The following NTN1 variants were observed in gnomAD, a reference collection of about 807,000 sequenced individuals.
NTN1 encodes the protein netrin 1, also known as netrin-1.
NTN1 carries 11 observed loss-of-function variants against 54.2 expected under a neutral mutation model. The ratio of observed to expected loss-of-function variants is 0.20; its 90% CI spans 0.13 to 0.34. NTN1 has a LOEUF of 0.34. NTN1 is among the 10% of genes least tolerant of loss of function. NTN1 has a pLI of 1.00. For synonymous variants in NTN1, 371 were observed against 382.0 expected (o/e 0.97, Z 0.33); for missense variants, 740 against 893.1 (o/e 0.83, Z 2.18).
chr17:9,063,794 C>T (rs555741064), intron 2 of NTN1, among the ~76,000 whole-genome samples: 4 of 151,800 alleles, frequency 2.6e-5, no homozygotes, highest in East Asian at 2.0e-4. Flanking sequence ...GTGATCCGCC[C>T]GCCTCGGCCT....
intron 2 of NTN1, among the ~76,000 whole-genome samples, chr17:9,025,345 A>G (rs2151507561): frequency 6.6e-6 from 1 of 152,304 alleles, no homozygotes; most frequent in Admixed American, 6.5e-5. Context: ...TATGCACACA[A>G]ATTGGATTGA....
At chr17:9,216,304 C>T (rs1905215825) in intron 5 of NTN1, among the ~76,000 whole-genome samples, 1 of 152,208 alleles carries the variant, frequency 6.6e-6, no homozygotes, top group East Asian at 1.9e-4. Flanking sequence ...CTTTTTCCAA[C>T]TCTTTCTTTT....
At chr17:9,142,733 A>T (rs1484398660) in intron 2 of NTN1, among the ~76,000 whole-genome samples, 1 of 152,214 alleles carries the variant, frequency 6.6e-6, no homozygotes, top group African/African-American at 2.4e-5. Context: ...CAACCAACCA[A>T]CCAAAAAGTC....
intron 2 of NTN1, among the ~76,000 whole-genome samples, chr17:9,041,780 G>A (rs892604352): frequency 9.2e-5 from 14 of 151,988 alleles, no homozygotes; most frequent in East Asian, 3.9e-4. Flanking sequence ...AGGCGGAGGC[G>A]GGTGGATCAC....
At chr17:9,182,242 C>T (rs1204587795) in intron 4 of NTN1, among the ~76,000 whole-genome samples, 1 of 149,902 alleles carries the variant, frequency 6.7e-6, no homozygotes, top group African/African-American at 2.5e-5. Flanking sequence ...TGTTGGGCCC[C>T]AAACGTGTTG....
intron 2 of NTN1, among the ~76,000 whole-genome samples, chr17:9,071,147 A>G (rs1011555985): frequency 6.6e-6 from 1 of 152,170 alleles, no homozygotes; most frequent in Non-Finnish European, 1.5e-5. Flanking sequence ...AGGCCGGAGC[A>G]CTGAAGAGTC....
At chr17:9,024,851 C>CAG (rs149693796) in intron 2 of NTN1, among the ~76,000 whole-genome samples, 55 of 151,796 alleles carry the variant, frequency 3.6e-4, no homozygotes, top group East Asian at 9.6e-4. Context: ...CAAGATTTCG[C>CAG]AGAGAGAGAG....
chr17:9,141,740 C>T (rs1300209699), intron 2 of NTN1, among the ~76,000 whole-genome samples: 1 of 152,072 alleles, frequency 6.6e-6, no homozygotes, highest in Non-Finnish European at 1.5e-5. Flanking sequence ...TTTATGTTTC[C>T]TGAAGAGGCA....
intron 5 of NTN1, among the ~76,000 whole-genome samples, chr17:9,195,810 G>A (rs1415478240): frequency 2.0e-5 from 3 of 152,154 alleles, no homozygotes; most frequent in African/African-American, 7.2e-5. Context: ...TCCAGCCCCA[G>A]AGCAGGACCC....
At chr17:9,023,903 C>A (rs1300334293) in intron 2 of NTN1, among the ~76,000 whole-genome samples, 2 of 152,216 alleles carry the variant, frequency 1.3e-5, no homozygotes, top group Non-Finnish European at 1.5e-5. Context: ...ATCACTCCTG[C>A]CCTCCATTTG....
chr17:9,129,947 C>T (rs529111727), intron 2 of NTN1, among the ~76,000 whole-genome samples: 7 of 152,302 alleles, frequency 4.6e-5, no homozygotes, highest in Admixed American at 2.6e-4. Context: ...GTGTGTAGGC[C>T]TCTACCAGCC....
intron 2 of NTN1, among the ~76,000 whole-genome samples, chr17:9,120,349 C>T (rs1191275137): frequency 6.6e-6 from 1 of 151,408 alleles, no homozygotes; most frequent in Non-Finnish European, 1.5e-5. Context: ...GTGCAACTTA[C>T]TATTAGGGAG....
intron 2 of NTN1, among the ~76,000 whole-genome samples, chr17:9,080,071 T>TCC (rs2092065804): frequency 1.3e-5 from 2 of 152,202 alleles, no homozygotes; most frequent in African/African-American, 4.8e-5. Context: ...AGGAAGTGGT[T>TCC]CCCCAGTGGG....
At chr17:9,032,869 G>C (rs1192195234) in intron 2 of NTN1, among the ~76,000 whole-genome samples, 1 of 151,988 alleles carries the variant, frequency 6.6e-6, no homozygotes, top group African/African-American at 2.4e-5. Flanking sequence ...TCAGAACCGG[G>C]AGAGAATTCA....
intron 2 of NTN1, among the ~76,000 whole-genome samples, chr17:9,100,661 C>T (rs1360495552): frequency 6.6e-6 from 1 of 152,214 alleles, no homozygotes; most frequent in Non-Finnish European, 1.5e-5. Context: ...ATAGCACTAC[C>T]TCATCTTTTT....
intron 2 of NTN1, among the ~76,000 whole-genome samples, chr17:9,126,838 G>A (rs1156569086): frequency 3.3e-5 from 5 of 152,116 alleles, no homozygotes; most frequent in African/African-American, 1.2e-4. Context: ...GCTCGAGGGG[G>A]CTGTATTTGG....
chr17:9,129,616 G>C (rs1239919496), intron 2 of NTN1, among the ~76,000 whole-genome samples: 1 of 152,148 alleles, frequency 6.6e-6, no homozygotes, highest in Non-Finnish European at 1.5e-5. Flanking sequence ...TGTCACCCTC[G>C]GCGTCTGCCT....
chr17:9,180,980 G>A (rs1302369390), intron 4 of NTN1, among the ~76,000 whole-genome samples: 1 of 152,038 alleles, frequency 6.6e-6, no homozygotes, highest in Non-Finnish European at 1.5e-5. Flanking sequence ...GGAAAACATG[G>A]GGGGAAAGCT....
intron 2 of NTN1, among the ~76,000 whole-genome samples, chr17:9,133,990 T>C (rs1371985945): frequency 1.4e-5 from 2 of 144,776 alleles, no homozygotes; most frequent in African/African-American, 2.6e-5. Flanking sequence ...CTGCAACCTC[T>C]GCCTCCCGAG....
Sources: allele counts gnomAD v4.1 joint callset (sites outside exome capture counted in the v4.1 genomes callset), GRCh38; gene constraint gnomAD v4.1.1; transcripts MANE v1.5; gene names NCBI Gene and HGNC (gene_info 2026-07-23, HGNC 2026-07-21).